NLGN1: variants seen among roughly 807,000 people sequenced by gnomAD.
NLGN1 encodes the protein neuroligin 1.
In NLGN1, 12 loss-of-function variants were observed where a neutral mutation model predicts 65.5. The ratio of observed to expected loss-of-function variants is 0.18; its 90% CI spans 0.12 to 0.30. The LOEUF is 0.30. NLGN1 is among the 10% of genes least tolerant of loss of function. The probability of loss-of-function intolerance (pLI) is 1.00; values close to 1 mark genes in which losing one functional copy is unlikely to be tolerated. For synonymous variants in NLGN1, 350 were observed against 359.5 expected (o/e 0.97, Z 0.30); for missense variants, 750 against 1,007.1 (o/e 0.74, Z 3.46).
intron 4 of NLGN1, among the ~76,000 whole-genome samples, chr3:174,000,709 T>TG (rs1349165098): frequency 1.3e-5 from 2 of 152,192 alleles, no homozygotes; most frequent in Non-Finnish European, 2.9e-5. Context: ...CATCCTTTGC[T>TG]GGAGGATGGT....
At chr3:173,585,394 T>C (rs1294960675) in intron 2 of NLGN1, among the ~76,000 whole-genome samples, 1 of 152,136 alleles carries the variant, frequency 6.6e-6, no homozygotes, top group African/African-American at 2.4e-5. Flanking sequence ...AAATCGCTGG[T>C]GCTTCGGCCG....
chr3:173,823,088 C>T (rs868127748), intron 4 of NLGN1, among the ~76,000 whole-genome samples: 2 of 151,864 alleles, frequency 1.3e-5, no homozygotes, highest in African/African-American at 4.8e-5. Flanking sequence ...TCAACAAATC[C>T]CAATTAAAGA....
At chr3:173,402,294 A>G (rs772295228) in intron 1 of NLGN1, among the ~76,000 whole-genome samples, 1 of 152,204 alleles carries the variant, frequency 6.6e-6, no homozygotes, top group East Asian at 1.9e-4. Context: ...TTACAAAGAT[A>G]TATTAACATT....
intron 2 of NLGN1, among the ~76,000 whole-genome samples, chr3:173,592,298 C>G (rs1265679558): frequency 6.6e-6 from 1 of 152,070 alleles, no homozygotes; most frequent in African/African-American, 2.4e-5. Flanking sequence ...AAAGAAGAAG[C>G]TGTCTAATAT....
At position 174,029,324 on chromosome 3, in the gene NLGN1, A is replaced by G. The variant is rs140488513; in HGVS notation, c.646+221492A>G. On this transcript the variant is annotated intron_variant, in intron 4 of 6. Transcript: ENST00000457714. The stretch of plus-strand genomic sequence containing the variant: ...CATCAGTGTGACCTGGATGAAAGAC[A>G]TGGAGTCAAAAGAGATCATTTTGGA... 7.2e-5 allele frequency among the ~76,000 whole-genome samples: 11 copies of G among 152,328 alleles called. No homozygotes were observed. The East Asian group carries it at 2.1e-3, about 30-fold the overall frequency.
chr3:173,957,521 G>T (rs1479470839), intron 4 of NLGN1, among the ~76,000 whole-genome samples: 1 of 152,138 alleles, frequency 6.6e-6, no homozygotes, highest in Non-Finnish European at 1.5e-5. Flanking sequence ...AAGAACCTGA[G>T]ATTTTTAGCC....
chr3:174,023,466 A>G (rs1024246129), intron 4 of NLGN1, among the ~76,000 whole-genome samples: 3 of 152,076 alleles, frequency 2.0e-5, no homozygotes, highest in African/African-American at 4.8e-5. Context: ...AGGGTGAAGA[A>G]TGGGATATGG....
chr3:173,822,413 A>G (rs1720502282), intron 4 of NLGN1, among the ~76,000 whole-genome samples: 1 of 152,158 alleles, frequency 6.6e-6, no homozygotes, highest in African/African-American at 2.4e-5. Flanking sequence ...TTCTAATTGA[A>G]TATTGTTTTG....
intron 3 of NLGN1, among the ~76,000 whole-genome samples, chr3:173,609,590 G>A (rs187298780): frequency 1.3e-5 from 2 of 151,980 alleles, no homozygotes; most frequent in African/African-American, 2.4e-5. Context: ...ATTCCAGAAT[G>A]TTCTTCCTTT....
intron 2 of NLGN1, among the ~76,000 whole-genome samples, chr3:173,589,485 G>T (rs758675125): frequency 2.0e-5 from 3 of 152,122 alleles, no homozygotes; most frequent in Admixed American, 6.5e-5. Flanking sequence ...ATAGACTAAT[G>T]TGTTTGCTTG....
intron 3 of NLGN1, among the ~76,000 whole-genome samples, chr3:173,641,026 G>A (rs965931984): frequency 2.0e-5 from 3 of 152,038 alleles, no homozygotes; most frequent in Admixed American, 1.3e-4. Flanking sequence ...ATCAAACTAT[G>A]GAGTGATATT....
At chr3:173,589,840 G>T (rs1056787491) in intron 2 of NLGN1, among the ~76,000 whole-genome samples, 1 of 152,198 alleles carries the variant, frequency 6.6e-6, no homozygotes, top group East Asian at 1.9e-4. Flanking sequence ...AAGAAAAGAG[G>T]TTACTTGTAA....
rs560523813 is a variant in NLGN1 at position 174,005,032 on chromosome 3, T to A, written c.646+197200T>A. ...TCTGGGTCAAATCCAGTAATTAATA[T>A]TTCCCTAATGAAAATAAAATGAAGA... On this transcript the variant is annotated intron_variant, in intron 4 of 6. Transcript: ENST00000457714. Among the ~76,000 whole-genome samples the A allele has an allele frequency of 2.0e-5, 3 of 152,290 alleles. No individual in the cohort carries two copies. In the South Asian group the frequency reaches 6.2e-4, roughly 32 times the overall value.
At chr3:174,188,421 A>G (rs1731809693) in intron 4 of NLGN1, among the ~76,000 whole-genome samples, 1 of 152,028 alleles carries the variant, frequency 6.6e-6, no homozygotes, top group African/African-American at 2.4e-5. Context: ...GCTGTGTTCC[A>G]GAGCCTAACT....
chr3:173,503,779 A>G (rs1000884316), intron 2 of NLGN1, among the ~76,000 whole-genome samples: 4 of 152,014 alleles, frequency 2.6e-5, no homozygotes, highest in African/African-American at 9.7e-5. Flanking sequence ...TCCATTTCCA[A>G]AGGTGCTACA....
intron 4 of NLGN1, among the ~76,000 whole-genome samples, chr3:173,819,778 A>C (rs1719843061): frequency 6.6e-6 from 1 of 152,224 alleles, no homozygotes; most frequent in South Asian, 2.1e-4. Flanking sequence ...TTCCAATTTT[A>C]TTAAGACAAC....
chr3:173,402,059 A>G (rs1275677498), intron 1 of NLGN1, among the ~76,000 whole-genome samples: 2 of 152,168 alleles, frequency 1.3e-5, no homozygotes, highest in Non-Finnish European at 2.9e-5. Context: ...ATCATGTGAG[A>G]GATGTCAAAG....
Position 174,234,985 on chromosome 3 carries a change from C to CTTTTTTT in NLGN1, c.647-40306_647-40300dup, listed in dbSNP as rs748911027. Among the ~76,000 whole-genome samples, 135 of 65,746 alleles carry CTTTTTTT rather than the reference C, an allele frequency of 2.1e-3. 39 individuals carry two copies. The highest frequency in any genetic ancestry group is 9.6e-3 in the African/African-American group (120 of 12,492). 43.1% of individuals were successfully genotyped at this position (65,746 alleles called of 152,430 possible). A position where few individuals can be genotyped will look rare whatever the true frequency, so the allele number is the denominator to read the frequency against. ...GAGCTTTGTAAAATAAAGGAATCAC[C>CTTTTTTT]TTTTTTTTTTTTTTTTTTTTTTTTT... On this transcript the variant is annotated intron_variant, in intron 4 of 6. Transcript: ENST00000457714.
intron 2 of NLGN1, among the ~76,000 whole-genome samples, chr3:173,507,744 T>C (rs1337712283): frequency 6.6e-6 from 1 of 152,126 alleles, no homozygotes; most frequent in Non-Finnish European, 1.5e-5. Context: ...TGACTATAAG[T>C]ATTACATTAT....
Sources: gnomAD v4.1 joint callset for allele counts (sites outside exome capture counted in the v4.1 genomes callset) on GRCh38, gnomAD v4.1.1 for gene constraint, MANE v1.5 for transcripts, NCBI Gene and HGNC (gene_info 2026-07-23, HGNC 2026-07-21) for gene names.